Variants in ATP5PB observed in about 807,000 individuals in gnomAD.
ATP5PB encodes ATP synthase peripheral stalk-membrane subunit b, also known as ATP synthase peripheral stalk subunit b, mitochondrial.
A neutral mutation model predicts 34.5 loss-of-function variants in ATP5PB; 21 were observed. That is an observed-to-expected ratio of 0.61 (90% CI 0.43 to 0.88). The LOEUF (loss-of-function observed/expected upper bound fraction) is 0.88, where lower values mean the gene tolerates loss of function less well. Among genes scored for constraint, ATP5PB ranks in the 40% least tolerant of loss-of-function variants. ATP5PB has a pLI of 0.00. For missense variants in ATP5PB, 293 were observed against 317.4 expected, an observed-to-expected ratio of 0.92 and a Z score of 0.58; for synonymous variants, 108 against 114.1, an observed-to-expected ratio of 0.95 and a Z score of 0.34.
Position 111,461,745 on chromosome 1 carries a change from C to G in ATP5PB, c.*751C>G, listed in dbSNP as rs1343395503. The G allele has an allele frequency of 6.6e-6, 1 of 152,066 alleles. No homozygotes were observed. The highest frequency in any genetic ancestry group is 1.5e-5 in the Non-Finnish European group (1 of 68,038). The allele number at this position is 152,066 out of a possible 1,614,324, so 9.4% of individuals were successfully genotyped here. A position where few individuals can be genotyped will look rare whatever the true frequency, so the allele number is the denominator to read the frequency against. ...TGAAACCCTGTCTCTACTAAAAATA[C>G]AAAAGGTTAGCCGGGCATGGTGGCA... On this transcript the variant is annotated 3_prime_UTR_variant, in exon 7 of 7. Coordinates refer to ENST00000369722, the MANE Select transcript of ATP5PB (RefSeq NM_001688.5).
chr1:111,454,297 G>A lies in ATP5PB; in HGVS notation c.164G>A (p.Arg55His), dbSNP rs757360032. The A allele has an allele frequency of 6.8e-6, 11 of 1,613,096 alleles. No individual in the cohort carries two copies. The highest frequency in any genetic ancestry group is 2.2e-5 in the East Asian group (1 of 44,832). Residue 55 changes from arginine (R) to histidine (H), a missense_variant, in exon 3 of 7, where the codon CGT becomes CAT. Physicochemically the swap from Arg to His is conservative, Grantham distance 29. Transcript: ENST00000369722. ...PPLPEYGGKV[R>H]YGLIPEEFFQ... Reference sequence around the variant, plus strand: ...CTTCCTGAATACGGAGGAAAAGTTCGTTATGGACTGATCCCTGAGGAATTC... The same window carrying A: ...CTTCCTGAATACGGAGGAAAAGTTCATTATGGACTGATCCCTGAGGAATTC...
intron 2 of ATP5PB, among the ~76,000 whole-genome samples, chr1:111,450,168 C>A (rs1462947060): frequency 2.0e-5 from 3 of 152,210 alleles, no homozygotes; most frequent in African/African-American, 7.2e-5. Flanking sequence ...GACCTTATGA[C>A]ATGTAGCTTC....
chr1:111,454,220 G>A lies in ATP5PB; in HGVS notation c.87G>A (p.Gln29=). The part of the protein sequence containing the change: ...NAAFLGPGVL[Q]ATRTFHTGQP... Reference sequence around the variant, plus strand: ...CAATTACTACCTGTAGGGTATTGCAGGCAACAAGGACCTTTCATACAGGGC... The same window carrying A: ...CAATTACTACCTGTAGGGTATTGCAAGCAACAAGGACCTTTCATACAGGGC... Residue 29 remains glutamine (Q), a synonymous_variant, in exon 3 of 7, where the codon CAG becomes CAA. Transcript: ENST00000369722. 2.5e-6 allele frequency: 4 copies of A among 1,590,048 alleles called. No individual in the cohort carries two copies. The highest frequency in any genetic ancestry group is 3.4e-6 in the Non-Finnish European group (4 of 1,172,346).
At chr1:111,460,708 A>C (rs904458533) in intron 6 of ATP5PB, among the ~76,000 whole-genome samples, 5 of 152,048 alleles carry the variant, frequency 3.3e-5, no homozygotes, top group African/African-American at 1.2e-4. Context: ...ATTTTAACTA[A>C]CCCCCTGGAT....
intron 2 of ATP5PB, among the ~76,000 whole-genome samples, chr1:111,452,544 C>T (rs940507687): frequency 4.6e-5 from 7 of 152,196 alleles, no homozygotes; most frequent in Admixed American, 6.5e-5. Flanking sequence ...GTGCTCCCGC[C>T]TGGGTGATAG....
rs1299355672 is a variant in ATP5PB, at chr1:111,460,909, T to A, written c.694-8T>A. 2 of 1,613,354 alleles carry A rather than the reference T, an allele frequency of 1.2e-6. No homozygotes were observed. Among genetic ancestry groups the A allele is most frequent in the Non-Finnish European group, 8.5e-7 (1 of 1,179,544 alleles). On this transcript the variant is annotated splice_region_variant and splice_polypyrimidine_tract_variant and intron_variant, in intron 6 of 6. Coordinates refer to ENST00000369722, the MANE Select transcript of ATP5PB (RefSeq NM_001688.5). ...AGGTCTAACCAGATTTCTCTTTCCT[T>A]ATCACAGGAAAAGGAGACAATTGCC...
chr1:111,454,461 TGTTGTTG>T, intron 3 of ATP5PB, 105 bp downstream of exon 3: 2 of 1,425,784 alleles, frequency 1.4e-6, no homozygotes. Context: ...TTGTTGTTGT[TGTTGTTG>T]TTTTTTGAGA....
intron 2 of ATP5PB, among the ~76,000 whole-genome samples, chr1:111,450,199 A>G (rs1653278271): frequency 6.6e-6 from 1 of 152,232 alleles, no homozygotes; most frequent in African/African-American, 2.4e-5. Flanking sequence ...ATCCGAGTAG[A>G]TGACATACCC....
rs549635764 is a variant in ATP5PB, at chr1:111,456,801, G to A, written c.513+46G>A. 32 of 1,510,512 alleles carry A rather than the reference G, an allele frequency of 2.1e-5. No individual in the cohort carries two copies. In the African/African-American group the frequency reaches 4.0e-4, roughly 19 times the overall value. The allele number at this position is 1,510,512 out of a possible 1,614,324, so 93.6% of individuals were successfully genotyped here. The stretch of plus-strand genomic sequence containing the variant: ...GGAAGAATGAAGTTACTTGTTGTGT[G>A]CATTTTTTTAATTCAGAATTTTTTA... On this transcript the variant is annotated intron_variant, in intron 5 of 6. Coordinates refer to ENST00000369722, the MANE Select transcript of ATP5PB (RefSeq NM_001688.5).
rs1653491819 is a variant in ATP5PB, at chr1:111,457,000, A to G, written c.513+245A>G. ...TTAAAAAAAATTTTGGATCCACACA[A>G]AATGAAATAGTCATTAAGTTAAAGC... On this transcript the variant is annotated intron_variant, in intron 5 of 6. Transcript: ENST00000369722. 2.0e-5 allele frequency among the ~76,000 whole-genome samples: 3 copies of G among 152,002 alleles called. No homozygotes were observed. In the South Asian group the frequency reaches 6.3e-4, roughly 32 times the overall value.
Position 111,460,028 on chromosome 1 carries a change from G to A in ATP5PB, c.693+392G>A, listed in dbSNP as rs77582904. Among the ~76,000 whole-genome samples the A allele has an allele frequency of 9.5e-3, 1,443 of 152,180 alleles. 19 individuals are homozygous for A. The highest frequency in any genetic ancestry group is 0.033 in the African/African-American group (1,381 of 41,506). On this transcript the variant is annotated intron_variant, in intron 6 of 6. Transcript: ENST00000369722. ...AAAAATTTAAAAAGTAGCTGGGTGC[G>A]GTGACAAACGCCTGTAGTTCAGCTA...
At chr1:111,458,417 T>A (rs773955913) in intron 5 of ATP5PB, among the ~76,000 whole-genome samples, 1 of 152,170 alleles carries the variant, frequency 6.6e-6, no homozygotes, top group Non-Finnish European at 1.5e-5. Context: ...AGCAGACACC[T>A]GAAAGAACTA....
intron 2 of ATP5PB, among the ~76,000 whole-genome samples, chr1:111,453,148 G>C (rs775951711): frequency 3.9e-5 from 6 of 152,168 alleles, no homozygotes; most frequent in Non-Finnish European, 7.4e-5. Context: ...ACTTGAAGGA[G>C]ACTAAATGAC....
At chr1:111,456,012 A>G in intron 3 of ATP5PB, 74 bp from the exon 4 acceptor site, 2 of 1,291,822 alleles carry the variant, frequency 1.5e-6, no homozygotes, top group Admixed American at 2.7e-5. Context: ...CTAATCAAAT[A>G]TAGAAGTACC....
intron 3 of ATP5PB, among the ~76,000 whole-genome samples, chr1:111,455,510 G>A (rs911336769): frequency 3.3e-5 from 5 of 152,160 alleles, no homozygotes; most frequent in African/African-American, 9.7e-5. Context: ...ATCATGGTTT[G>A]CATCCTTTCA....
At chr1:111,457,693 T>C (rs1653514666) in intron 5 of ATP5PB, among the ~76,000 whole-genome samples, 1 of 152,120 alleles carries the variant, frequency 6.6e-6, no homozygotes, top group Admixed American at 6.5e-5. Flanking sequence ...TTATCTTTGG[T>C]GTTAATTTTT....
intron 5 of ATP5PB, 125 bp downstream of exon 5, chr1:111,456,880 T>C (rs1653488970): frequency 8.1e-7 from 1 of 1,233,868 alleles, no homozygotes; most frequent in Non-Finnish European, 1.1e-6. Context: ...AGAAGATTTG[T>C]GTAGGAGTTG....
intron 2 of ATP5PB, among the ~76,000 whole-genome samples, chr1:111,450,347 C>T (rs1464169398): frequency 6.6e-6 from 1 of 152,156 alleles, no homozygotes; most frequent in East Asian, 1.9e-4. Context: ...TGCCTAAAAA[C>T]ATAACCAAGG....
At chr1:111,460,088 C>A (rs923487855) in intron 6 of ATP5PB, among the ~76,000 whole-genome samples, 1 of 152,120 alleles carries the variant, frequency 6.6e-6, no homozygotes, top group African/African-American at 2.4e-5. Context: ...CTCTTGAGCC[C>A]AGGAAGCATA....
Sources: allele counts gnomAD v4.1 joint callset (sites outside exome capture counted in the v4.1 genomes callset), GRCh38; gene constraint gnomAD v4.1.1; transcripts MANE v1.5; gene names NCBI Gene and HGNC (gene_info 2026-07-23, HGNC 2026-07-21).